Variants in DGKI observed in about 807,000 individuals in gnomAD.
The protein encoded by DGKI is DAG kinase iota.
DGKI carries 55 observed loss-of-function variants against 147.5 expected under a neutral mutation model. The ratio of observed to expected loss-of-function variants is 0.37; its 90% CI spans 0.30 to 0.47. The LOEUF (loss-of-function observed/expected upper bound fraction) is 0.47, where lower values mean the gene tolerates loss of function less well. DGKI is among the 20% of genes least tolerant of loss of function. The pLI is 1.00. For missense variants in DGKI, 1,007 were observed against 1,323.8 expected, an observed-to-expected ratio of 0.76 and a Z score of 3.71; for synonymous variants, 469 against 477.1, an observed-to-expected ratio of 0.98 and a Z score of 0.22.
rs141102495 is a variant in DGKI, at chr7:137,811,158, C to T, written c.401+35304G>A. Among the ~76,000 whole-genome samples the T allele has an allele frequency of 3.9e-4, 60 of 152,126 alleles. 1 individual carries two copies. The highest frequency in any genetic ancestry group is 1.2e-3 in the African/African-American group (48 of 41,488). On this transcript the variant is annotated intron_variant, in intron 1 of 32. Transcript: ENST00000614521. ...AGAGGGATGGTTCTGTAATAACACACGAAAATGGGCTTAAAGTGATTAAAA... is the reference window on the plus strand; with the variant it reads ...AGAGGGATGGTTCTGTAATAACACATGAAAATGGGCTTAAAGTGATTAAAA...
At position 137,487,664 on chromosome 7, in the gene DGKI, C is replaced by A; in HGVS notation, c.2274G>T (p.Val758=). 1.2e-6 allele frequency: 2 copies of A among 1,613,674 alleles called. No homozygotes were observed. Among genetic ancestry groups the A allele is most frequent in the South Asian group, 1.1e-5 (1 of 91,064 alleles). ...AAGTCTCCAAATCACAGTCTCCACG[C>A]ACAACTAGAATACCCAGAGGTATCG... ...EASIPLGILV[V]RGDCDLETCR... The change falls in exon 22 of 33, where the codon GTG becomes GTT. Residue 758 remains valine, a synonymous_variant. Transcript: ENST00000614521.
chr7:137,507,873 C>A (rs1335788539), intron 21 of DGKI, among the ~76,000 whole-genome samples: 1 of 152,172 alleles, frequency 6.6e-6, no homozygotes, highest in African/African-American at 2.4e-5. Context: ...CAAGACCAGA[C>A]ACTCTTCCAC....
At chr7:137,551,859 C>A (rs542608658) in intron 20 of DGKI, among the ~76,000 whole-genome samples, 1 of 151,968 alleles carries the variant, frequency 6.6e-6, no homozygotes, top group East Asian at 1.9e-4. Context: ...TATGGAGGAC[C>A]CCAAAATGGG....
chr7:137,582,457 C>A (rs1044269731), intron 14 of DGKI, among the ~76,000 whole-genome samples: 4 of 151,764 alleles, frequency 2.6e-5, no homozygotes, highest in Non-Finnish European at 5.9e-5. Flanking sequence ...TATATACACA[C>A]ACACACACAA....
At chr7:137,674,245 A>G (rs2116367607) in intron 3 of DGKI, among the ~76,000 whole-genome samples, 1 of 152,328 alleles carries the variant, frequency 6.6e-6, no homozygotes, top group African/African-American at 2.4e-5. Context: ...AGAGAGCTGT[A>G]GAACAGGAAA....
intron 29 of DGKI, among the ~76,000 whole-genome samples, chr7:137,411,396 TAATAA>T (rs772186104): frequency 2.6e-5 from 4 of 152,230 alleles, no homozygotes; most frequent in Non-Finnish European, 4.4e-5. Context: ...ATCAGAATAT[TAATAA>T]AATAGCTAAC....
intron 20 of DGKI, among the ~76,000 whole-genome samples, chr7:137,536,893 T>C (rs939693690): frequency 6.6e-6 from 1 of 151,894 alleles, no homozygotes; most frequent in African/African-American, 2.4e-5. Context: ...GAGAAATTCA[T>C]TTAAAAAATT....
At chr7:137,721,150 G>A (rs187940630) in intron 1 of DGKI, among the ~76,000 whole-genome samples, 1 of 152,280 alleles carries the variant, frequency 6.6e-6, no homozygotes, top group East Asian at 1.9e-4. Flanking sequence ...TATCAGTTGT[G>A]CAAATTCAGG....
At chr7:137,606,666 C>T (rs1820195469) in intron 10 of DGKI, among the ~76,000 whole-genome samples, 1 of 152,156 alleles carries the variant, frequency 6.6e-6, no homozygotes, top group Admixed American at 6.5e-5. Flanking sequence ...ATTTTTTAAA[C>T]TAAAATATTT....
Position 137,492,641 on chromosome 7 carries a change from A to C in DGKI, c.2249-4952T>G, listed in dbSNP as rs202212577. Among the ~76,000 whole-genome samples the C allele has an allele frequency of 1.5e-4, 23 of 152,300 alleles. No individual in the cohort carries two copies. The East Asian group carries it at 4.4e-3, about 29-fold the overall frequency. ...AGAGAGGTGGTAAGGGCAGGGCTCC[A>C]GCCAGTGTGGAGCCCAGAGGGTTTG... On this transcript the variant is annotated intron_variant, in intron 21 of 32. Coordinates refer to ENST00000614521, the MANE Select transcript of DGKI (RefSeq NM_001321708.2).
intron 21 of DGKI, among the ~76,000 whole-genome samples, chr7:137,517,297 AAGAAAGAAAGAAAGAAAGAAAGAAAG>A (rs1816794685): frequency 2.2e-5 from 3 of 135,572 alleles, no homozygotes; most frequent in Non-Finnish European, 3.1e-5. Context: ...GAAAGAAAGA[AAGAAAGAAAGAAAGAAAGAAAGAAAG>A]AAAGAAAGAA....
intron 5 of DGKI, among the ~76,000 whole-genome samples, chr7:137,647,349 A>G (rs1821862141): frequency 6.6e-6 from 1 of 152,126 alleles, no homozygotes; most frequent in Non-Finnish European, 1.5e-5. Flanking sequence ...AACATTAGAG[A>G]CCACTTCTAC....
chr7:137,782,069 C>G (rs1462161316), intron 1 of DGKI, among the ~76,000 whole-genome samples: 1 of 152,178 alleles, frequency 6.6e-6, no homozygotes, highest in Non-Finnish European at 1.5e-5. Flanking sequence ...TAGGAACATA[C>G]CAGAAAAGCT....
chr7:137,636,402 A>T (rs899767831), intron 6 of DGKI, among the ~76,000 whole-genome samples: 1 of 152,190 alleles, frequency 6.6e-6, no homozygotes, highest in Non-Finnish European at 1.5e-5. Context: ...TTCCCAGGAA[A>T]TGTGACCAAT....
intron 1 of DGKI, among the ~76,000 whole-genome samples, chr7:137,770,100 A>C (rs750334272): frequency 6.6e-6 from 1 of 152,228 alleles, no homozygotes; most frequent in Non-Finnish European, 1.5e-5. Context: ...TAGACTGGAT[A>C]AAGAAAATGT....
intron 12 of DGKI, among the ~76,000 whole-genome samples, chr7:137,589,337 T>C (rs1228705148): frequency 6.6e-6 from 1 of 152,220 alleles, no homozygotes; most frequent in Non-Finnish European, 1.5e-5. Flanking sequence ...AAAATTGTGT[T>C]CATCTTCTAA....
chr7:137,771,353 A>C lies in DGKI; in HGVS notation c.401+75109T>G, dbSNP rs559954978. Among the ~76,000 whole-genome samples the C allele has an allele frequency of 1.2e-3, 181 of 152,270 alleles. 1 individual carries two copies. Among genetic ancestry groups the C allele is most frequent in the African/African-American group, 4.0e-3 (168 of 41,538 alleles). ...TGATCCACCCGCTTCAGCCTCCCAA[A>C]GTGCTGGGACTACAGGTGTGAGCCA... On this transcript the variant is annotated intron_variant, in intron 1 of 32. Transcript: ENST00000614521.
intron 6 of DGKI, among the ~76,000 whole-genome samples, chr7:137,631,461 G>A (rs1187691367): frequency 6.6e-6 from 1 of 152,150 alleles, no homozygotes; most frequent in African/African-American, 2.4e-5. Flanking sequence ...GCAGAGCAAT[G>A]TGCCTGATCA....
At chr7:137,614,373 C>A (rs1479588024) in intron 8 of DGKI, among the ~76,000 whole-genome samples, 1 of 152,152 alleles carries the variant, frequency 6.6e-6, no homozygotes, top group African/African-American at 2.4e-5. Flanking sequence ...CTTGACCCCA[C>A]AGAAAATTCA....
Sources: allele counts gnomAD v4.1 joint callset (sites outside exome capture counted in the v4.1 genomes callset), GRCh38; gene constraint gnomAD v4.1.1; transcripts MANE v1.5; gene names NCBI Gene and HGNC (gene_info 2026-07-23, HGNC 2026-07-21).